LRRC25: variants seen among roughly 807,000 people sequenced by gnomAD.
LRRC25 encodes leucine-rich repeat-containing protein 25.
In LRRC25, 5 loss-of-function variants were observed where a neutral mutation model predicts 18.8. The observed-to-expected ratio is 0.27, with a 90% CI of 0.14 to 0.56. The LOEUF is 0.56. Among genes scored for constraint, LRRC25 ranks in the 20% least tolerant of loss-of-function variants. The pLI is 0.93. For synonymous variants in LRRC25, 161 were observed against 176.8 expected (o/e 0.91, Z 0.71); for missense variants, 341 against 389.8 (o/e 0.87, Z 1.05).
In LRRC25 at chr19:18,397,528, C is replaced by G. The variant is rs1299639037; in HGVS notation, c.-565G>C. ...CGGCGCCCAGAGGCTGCGTCCTGGC[C>G]CACCTGGACACGGGGGCCGCAGCGG... On this transcript the variant is annotated 5_prime_UTR_variant, in exon 1 of 2. Coordinates refer to ENST00000339007, the MANE Select transcript of LRRC25 (RefSeq NM_145256.3). The G allele has an allele frequency of 6.4e-6, 1 of 155,818 alleles. No individual in the cohort carries two copies. Among genetic ancestry groups the G allele is most frequent in the Non-Finnish European group, 1.4e-5 (1 of 69,906 alleles). The allele number at this position is 155,818 out of a possible 1,614,324, so 9.7% of individuals were successfully genotyped here.
intron 1 of LRRC25, among the ~76,000 whole-genome samples, chr19:18,395,629 G>T (rs1022003959): frequency 3.3e-5 from 5 of 152,108 alleles, no homozygotes; most frequent in Admixed American, 2.6e-4. Flanking sequence ...AGGTCATAAG[G>T]GGGGGAAGTT....
intron 1 of LRRC25, 76 bp downstream of exon 1, chr19:18,396,109 G>A: frequency 6.6e-7 from 1 of 1,505,758 alleles, no homozygotes; most frequent in South Asian, 1.3e-5. Context: ...GGCAGAGCTG[G>A]GATTTGAACC....
Position 18,396,626 on chromosome 19 carries a change from T to C in LRRC25, c.338A>G (p.Gln113Arg), listed in dbSNP as rs568600373. Residue 113 changes from glutamine to arginine, a missense_variant, in exon 1 of 2, where the codon CAG becomes CGG. By Grantham distance (43) the Gln-to-Arg change is conservative. Transcript: ENST00000339007. Reference protein sequence around the residue: ...ALAARCDLDLQADCNCALESW... With the variant: ...ALAARCDLDLRADCNCALESW... ...CTCCAGGGCACAGTTGCAGTCGGCC[T>C]GCAGGTCAAGGTCACAGCGGGCGGC... is the stretch of plus-strand genomic sequence containing the variant. 1.2e-6 allele frequency: 2 copies of C among 1,613,992 alleles called. No homozygotes were observed. The highest frequency in any genetic ancestry group is 1.7e-5 in the Admixed American group (1 of 60,020).
At chr19:18,392,175 G>A (rs1971910326) in intron 1 of LRRC25, 50 bp from the exon 2 acceptor site, 1 of 1,591,362 alleles carries the variant, frequency 6.3e-7, no homozygotes, top group African/African-American at 1.3e-5. Context: ...GAGGACTCAG[G>A]GGACAGGCAC....
At chr19:18,392,989 C>CA (rs200111780) in intron 1 of LRRC25, among the ~76,000 whole-genome samples, 96 of 151,504 alleles carry the variant, frequency 6.3e-4, no homozygotes, top group African/African-American at 2.0e-3. Context: ...GACCCCGTCT[C>CA]AAAAAAAACA....
At chr19:18,392,222 C>A in intron 1 of LRRC25, 97 bp from the exon 2 acceptor site, 1 of 1,295,478 alleles carries the variant, frequency 7.7e-7, no homozygotes, top group East Asian at 2.4e-5. Flanking sequence ...GCCAGGTGCT[C>A]TGACTCACGC....
At chr19:18,393,355 G>A (rs1278575542) in intron 1 of LRRC25, among the ~76,000 whole-genome samples, 2 of 152,174 alleles carry the variant, frequency 1.3e-5, no homozygotes, top group Non-Finnish European at 2.9e-5. Context: ...AGGTGCGGTG[G>A]CTCACGCCTA....
chr19:18,396,573 A>G lies in LRRC25; in HGVS notation c.391T>C (p.Cys131Arg). 1.9e-6 allele frequency: 3 copies of G among 1,613,798 alleles called. No individual in the cohort carries two copies. Among genetic ancestry groups the G allele is most frequent in the Non-Finnish European group, 2.5e-6 (3 of 1,179,996 alleles). ...ESWHDIRRDN[C>R]SGQKPLLCWD... ...CAGAGCAGAGGCTTCTGGCCAGAGC[A>G]GTTGTCTCGGCGGATGTCGTGCCAG... The change falls in exon 1 of 2, where the codon TGC becomes CGC. Residue 131 changes from cysteine to arginine, a missense_variant. Cys to Arg is a radical substitution (Grantham distance 180). Transcript: ENST00000339007.
chr19:18,394,369 G>A (rs1157758301), intron 1 of LRRC25, among the ~76,000 whole-genome samples: 5 of 147,630 alleles, frequency 3.4e-5, no homozygotes, highest in Admixed American at 6.8e-5. Context: ...GCAGTGGTGC[G>A]ATCTGGGCTC....
intron 1 of LRRC25, among the ~76,000 whole-genome samples, chr19:18,395,429 G>T (rs942512764): frequency 9.9e-5 from 15 of 151,626 alleles, no homozygotes; most frequent in Admixed American, 2.0e-4. Flanking sequence ...CACCTCTTTA[G>T]TATCTCATGT....
In LRRC25 at chr19:18,396,529, G is replaced by A. The variant is rs772185340; in HGVS notation, c.435C>T (p.Ser145=). 4 of 1,613,712 alleles carry A rather than the reference G, an allele frequency of 2.5e-6. No homozygotes were observed. In the Admixed American group the frequency reaches 6.7e-5, roughly 27 times the overall value. The change falls in exon 1 of 2, where the codon TCC becomes TCT. Residue 145 remains serine (S), a synonymous_variant. Transcript: ENST00000339007. ...CCAGGAAGGCAGAGAGGTTGTGCTGGGAGCTGGTTGTGTCCCAGCAGAGCA... is the reference window on the plus strand; with the variant it reads ...CCAGGAAGGCAGAGAGGTTGTGCTGAGAGCTGGTTGTGTCCCAGCAGAGCA... ...KPLLCWDTTS[S]QHNLSAFLEV...
rs771155177 is a variant in LRRC25, at chr19:18,396,300, C to A, written c.664G>T (p.Gly222Cys). 2.5e-6 allele frequency: 4 copies of A among 1,613,810 alleles called. No homozygotes were observed. The highest frequency in any genetic ancestry group is 1.7e-4 in the Middle Eastern group (1 of 6,020). ...TGGGGCTTGGGGGCGCTCCGGCTGC[C>A]GTACCGTGGCTGCAAGCCTAAACCG... is the stretch of plus-strand genomic sequence containing the variant. ...KPGLGLQPRY[G>C]SRSAPKPQVA... The change falls in exon 1 of 2, where the codon GGC becomes TGC. Residue 222 changes from glycine to cysteine, a missense_variant. Coordinates refer to ENST00000339007, the MANE Select transcript of LRRC25 (RefSeq NM_145256.3).
intron 1 of LRRC25, among the ~76,000 whole-genome samples, chr19:18,394,472 A>G (rs1422162393): frequency 6.6e-6 from 1 of 151,846 alleles, no homozygotes; most frequent in African/African-American, 2.4e-5. Flanking sequence ...ATGCCCGGCT[A>G]ATTTTTGTAT....
intron 1 of LRRC25, among the ~76,000 whole-genome samples, chr19:18,394,670 G>C (rs1284280828): frequency 2.6e-5 from 4 of 152,270 alleles, no homozygotes; most frequent in Admixed American, 6.5e-5. Context: ...TTGAGGTCCT[G>C]ACCACAGGTG....
At chr19:18,395,802 C>T (rs1568333435) in intron 1 of LRRC25, among the ~76,000 whole-genome samples, 1 of 152,148 alleles carries the variant, frequency 6.6e-6, no homozygotes, top group Admixed American at 6.5e-5. Context: ...CTCACTGCAA[C>T]CTCTGACTCC....
At chr19:18,395,672 C>T (rs1315711143) in intron 1 of LRRC25, among the ~76,000 whole-genome samples, 1 of 152,104 alleles carries the variant, frequency 6.6e-6, no homozygotes, top group Non-Finnish European at 1.5e-5. Context: ...TTAATTCTTA[C>T]CCCAACACAC....
intron 1 of LRRC25, among the ~76,000 whole-genome samples, chr19:18,393,208 C>A (rs953068528): frequency 5.3e-5 from 8 of 152,176 alleles, no homozygotes; most frequent in Non-Finnish European, 1.0e-4. Flanking sequence ...TCAGTTTCTG[C>A]ATCTATAGAA....
At position 18,396,411 on chromosome 19, in the gene LRRC25, C is replaced by G. The variant is rs776074253; in HGVS notation, c.553G>C (p.Val185Leu). Residue 185 changes from valine (V) to leucine (L), a missense_variant, in exon 1 of 2, where the codon GTG (valine) becomes CTG (leucine). Val to Leu is a conservative substitution (Grantham distance 32). Transcript: ENST00000339007. ...CATCGCCAGAGTCTCCAGGCCAGCA[C>G]AGGGCCAGCGATGGCAAGTCCAAGA... is the stretch of plus-strand genomic sequence containing the variant. ...LLLGLAIAGP[V>L]LAWRLWRCRV... is the part of the protein sequence containing the mutation. The G allele has an allele frequency of 5.6e-6, 9 of 1,613,410 alleles. No individual in the cohort carries two copies. The highest frequency in any genetic ancestry group is 2.7e-5 in the African/African-American group (2 of 74,936).
Position 18,397,041 on chromosome 19 carries a change from G to A in LRRC25, c.-78C>T. The stretch of plus-strand genomic sequence containing the variant: ...GGTCGCCCTCGCCTCCACCGCCAGT[G>A]TTTATTATTATAGCTCAGACCAGCT... On this transcript the variant is annotated 5_prime_UTR_variant, in exon 1 of 2. Transcript: ENST00000339007. 7.0e-7 allele frequency: 1 copy of A among 1,420,914 alleles called. No individual in the cohort carries two copies. 88.0% of individuals were successfully genotyped at this position (1,420,914 alleles called of 1,614,324 possible). A position where few individuals can be genotyped will look rare whatever the true frequency, so the allele number is the denominator to read the frequency against.
Sources: allele counts gnomAD v4.1 joint callset (sites outside exome capture counted in the v4.1 genomes callset), GRCh38; gene constraint gnomAD v4.1.1; transcripts MANE v1.5; gene names NCBI Gene and HGNC (gene_info 2026-07-23, HGNC 2026-07-21).